The following CDH4 variants were observed in gnomAD, a reference collection of about 807,000 sequenced individuals.
CDH4 encodes cadherin-4.
CDH4 carries 33 observed loss-of-function variants against 86.0 expected under a neutral mutation model. That is an observed-to-expected ratio of 0.38 (90% confidence interval 0.29 to 0.51). The LOEUF is 0.51. Among genes scored for constraint, CDH4 ranks in the 20% least tolerant of loss-of-function variants. The pLI is 0.86. For missense variants in CDH4, 1,114 were observed against 1,307.4 expected (o/e 0.85, Z 2.28); for synonymous variants, 555 against 549.4 (o/e 1.01, Z -0.14).
At chr20:61,903,707 C>T (rs2054754723) in intron 8 of CDH4, among the ~76,000 whole-genome samples, 1 of 152,134 alleles carries the variant, frequency 6.6e-6, no homozygotes, top group Non-Finnish European at 1.5e-5. Context: ...GGTATGGGGC[C>T]GAGAGGCAGC....
intron 4 of CDH4, among the ~76,000 whole-genome samples, chr20:61,797,382 C>T (rs749721730): frequency 2.6e-5 from 4 of 152,178 alleles, no homozygotes; most frequent in East Asian, 3.9e-4. Flanking sequence ...GGGAGGTAAG[C>T]GTTGGATCTG....
intron 2 of CDH4, among the ~76,000 whole-genome samples, chr20:61,695,409 A>C (rs998960684): frequency 2.6e-5 from 4 of 152,170 alleles, no homozygotes; most frequent in African/African-American, 9.7e-5. Context: ...CGAGGGTCTG[A>C]ACTGTCCTGG....
intron 2 of CDH4, among the ~76,000 whole-genome samples, chr20:61,530,548 C>T (rs1161879677): frequency 1.3e-5 from 2 of 152,088 alleles, no homozygotes; most frequent in East Asian, 3.9e-4. Context: ...CCCTGGCTCC[C>T]CCAGAAAGCT....
chr20:61,597,938 C>G (rs2086568725), intron 2 of CDH4, among the ~76,000 whole-genome samples: 1 of 152,210 alleles, frequency 6.6e-6, no homozygotes, highest in African/African-American at 2.4e-5. Context: ...TTCCTTTTTC[C>G]TATTTTCTCC....
intron 7 of CDH4, among the ~76,000 whole-genome samples, chr20:61,875,472 A>G (rs973891873): frequency 6.6e-6 from 1 of 152,208 alleles, no homozygotes; most frequent in Non-Finnish European, 1.5e-5. Context: ...TCTGAGAGAC[A>G]GAAGGATGAT....
At chr20:61,658,619 T>C (rs1357078379) in intron 2 of CDH4, among the ~76,000 whole-genome samples, 1 of 152,150 alleles carries the variant, frequency 6.6e-6, no homozygotes, top group Non-Finnish European at 1.5e-5. Context: ...GGGCAGGGGC[T>C]CGCCACCCCA....
intron 2 of CDH4, chr20:61,599,712 A>G: frequency 4.1e-6 from 3 of 737,800 alleles, no homozygotes; most frequent in Non-Finnish European, 5.0e-6. Context: ...GGGCTCCTTC[A>G]TCTGCCGAGG....
chr20:61,770,579 CA>C (rs1392801989), intron 3 of CDH4, among the ~76,000 whole-genome samples: 2 of 152,230 alleles, frequency 1.3e-5, no homozygotes, highest in African/African-American at 2.4e-5. Context: ...TGTGCACTAT[CA>C]CGTTTAGGAA....
chr20:61,595,283 C>T (rs1485941934), intron 2 of CDH4, among the ~76,000 whole-genome samples: 6 of 152,368 alleles, frequency 3.9e-5, no homozygotes, highest in South Asian at 2.1e-4. Flanking sequence ...GCGGGAAGGA[C>T]GTGCATCTGG....
intron 7 of CDH4, among the ~76,000 whole-genome samples, chr20:61,882,613 C>T (rs1035779707): frequency 2.0e-5 from 3 of 152,116 alleles, no homozygotes; most frequent in East Asian, 3.9e-4. Context: ...CCCGGGGTTC[C>T]GACGCCAGGC....
intron 3 of CDH4, among the ~76,000 whole-genome samples, chr20:61,771,002 CTTTTTTTCT>C (rs1393762583): frequency 1.3e-4 from 18 of 134,464 alleles, no homozygotes; most frequent in Non-Finnish European, 2.3e-4. Context: ...TTTCTTTTTT[CTTTTTTTCT>C]TTTTTTTTTT....
Position 61,510,609 on chromosome 20 carries a change from T to G in CDH4, c.170-232954T>G, listed in dbSNP as rs1041338733. Among the ~76,000 whole-genome samples the G allele has an allele frequency of 3.3e-5, 5 of 152,096 alleles. No individual in the cohort carries two copies. Among genetic ancestry groups the G allele is most frequent in the Non-Finnish European group, 7.4e-5 (5 of 68,026 alleles). On this transcript the variant is annotated intron_variant, in intron 2 of 15. Transcript: ENST00000614565. The surrounding 1 kb of genome is among the most constrained non-coding windows in gnomAD (Gnocchi z 4.2). ...GGACTAGGTAGCTCCCATTACTGCT[T>G]GGTGGCTGACGACCCATAGTGGGAT...
rs987088116 is a variant in CDH4 at position 61,501,808 on chromosome 20, T to C, written c.170-241755T>C. The stretch of plus-strand genomic sequence containing the variant: ...GACGCGACTAATGAAACTTTTCTGT[T>C]CTCTCCTTTCTAGGTAAGTGATTCC... On this transcript the variant is annotated intron_variant, in intron 2 of 15. Transcript: ENST00000614565. The surrounding 1 kb of genome is among the most constrained non-coding windows in gnomAD (Gnocchi z 4.2). Among the ~76,000 whole-genome samples the C allele has an allele frequency of 2.6e-5, 4 of 152,118 alleles. No individual in the cohort carries two copies. Among genetic ancestry groups the C allele is most frequent in the Non-Finnish European group, 5.9e-5 (4 of 68,020 alleles).
chr20:61,630,837 GC>G (rs747116933), intron 2 of CDH4, among the ~76,000 whole-genome samples: 60 of 152,224 alleles, frequency 3.9e-4, no homozygotes, highest in Non-Finnish European at 7.3e-4. Context: ...CCCGTCCAGA[GC>G]CCTTCAGTTG....
At chr20:61,365,019 C>A (rs1017903203) in intron 2 of CDH4, among the ~76,000 whole-genome samples, 2 of 152,146 alleles carry the variant, frequency 1.3e-5, no homozygotes, top group African/African-American at 4.8e-5. Flanking sequence ...ACCACATGTA[C>A]CAAACTTGGC....
chr20:61,441,371 G>T (rs2085314340), intron 2 of CDH4, among the ~76,000 whole-genome samples: 1 of 152,210 alleles, frequency 6.6e-6, no homozygotes, highest in Non-Finnish European at 1.5e-5. Context: ...CAGCTAGTTG[G>T]GGCAGAGCTG....
intron 4 of CDH4, among the ~76,000 whole-genome samples, chr20:61,801,189 G>A (rs546277741): frequency 6.6e-6 from 1 of 152,308 alleles, no homozygotes; most frequent in South Asian, 2.1e-4. Context: ...ATGGACAGCA[G>A]CACCTCTCAG....
chr20:61,352,158 C>T (rs1227577754), intron 2 of CDH4, among the ~76,000 whole-genome samples: 1 of 152,232 alleles, frequency 6.6e-6, no homozygotes, highest in Non-Finnish European at 1.5e-5. Context: ...CACTACCCTT[C>T]CCAGCCTCTG....
intron 2 of CDH4, among the ~76,000 whole-genome samples, chr20:61,734,361 T>G (rs58813415): frequency 0.2 from 31,098 of 152,248 alleles, 3,379 homozygotes; most frequent in African/African-American, 0.25. Flanking sequence ...CACTGCACAC[T>G]TCCCAGGCTC....
Sources: allele counts gnomAD v4.1 joint callset (sites outside exome capture counted in the v4.1 genomes callset), GRCh38; gene constraint gnomAD v4.1.1; non-coding constraint Gnocchi (gnomAD v3.1); transcripts MANE v1.5; gene names NCBI Gene and HGNC (gene_info 2026-07-23, HGNC 2026-07-21).